The following CRBN variants were observed in gnomAD, a reference collection of about 807,000 sequenced individuals.
CRBN encodes the protein cereblon, also known as protein cereblon.
CRBN carries 53 observed loss-of-function variants against 62.2 expected under a neutral mutation model. That is an observed-to-expected ratio of 0.85 (90% CI 0.68 to 1.07). CRBN has a LOEUF of 1.07. Ranked by LOEUF, CRBN falls within the 50% of genes least tolerant of loss-of-function variation. CRBN has a pLI of 0.00. For synonymous variants in CRBN, 208 were observed against 176.1 expected (o/e 1.18, Z -1.43); for missense variants, 616 against 531.1 (o/e 1.16, Z -1.57).
At position 3,167,662 on chromosome 3, in the gene CRBN, G is replaced by C; in HGVS notation, c.659C>G (p.Ser220Ter). The C allele has an allele frequency of 6.2e-7, 1 of 1,613,060 alleles. No homozygotes were observed. The highest frequency in any genetic ancestry group is 8.5e-7 in the Non-Finnish European group (1 of 1,179,420). Residue 220 changes from serine to a stop codon, truncating the protein, a stop_gained, in exon 5 of 11, where the codon TCA becomes TGA. Transcript: ENST00000231948. LOFTEE classifies it high-confidence loss of function. Reference protein sequence around the residue: ...SKPVSREDQCSYKWWQKYQKR... With the variant: ...SKPVSREDQC ...CTGGTATTTCTGCCACCATTTATATGAACATTGGTCTTCTCTTGAGACAGG... is the reference window on the plus strand; with the variant it reads ...CTGGTATTTCTGCCACCATTTATATCAACATTGGTCTTCTCTTGAGACAGG...
intron 4 of CRBN, among the ~76,000 whole-genome samples, chr3:3,168,308 C>T (rs747917375): frequency 2.6e-5 from 4 of 152,162 alleles, no homozygotes; most frequent in Non-Finnish European, 4.4e-5. Flanking sequence ...GAGTTACATG[C>T]AACCTTTCTG....
At position 3,153,974 on chromosome 3, in the gene CRBN, C is replaced by G. The variant is rs142337178; in HGVS notation, c.937G>C (p.Asp313His). The change falls in exon 8 of 11, where the codon GAC (aspartate) becomes CAC (histidine). Residue 313 changes from aspartate to histidine, a missense_variant. Asp to His is a moderately conservative substitution (Grantham distance 81, BLOSUM62 -1). Coordinates refer to ENST00000231948, the MANE Select transcript of CRBN (RefSeq NM_016302.4). The stretch of plus-strand genomic sequence containing the variant: ...ACTTTACTCACTTTATTCATAATGT[C>G]TAATTCACAGCGAAGTCGCTGGATA... ...SAIQRLRCELDIMNKCTSLCC... is the reference protein window; with the variant it reads ...SAIQRLRCELHIMNKCTSLCC... 315 of 1,600,668 alleles carry G rather than the reference C, an allele frequency of 2.0e-4. No homozygotes were observed. Among genetic ancestry groups the G allele is most frequent in the Non-Finnish European group, 2.5e-4 (297 of 1,167,848 alleles).
At chr3:3,176,328 AAAGAAACAAAGCAGGC>A (rs1707822017) in intron 1 of CRBN, among the ~76,000 whole-genome samples, 1 of 152,252 alleles carries the variant, frequency 6.6e-6, no homozygotes, top group Non-Finnish European at 1.5e-5. Flanking sequence ...ATAAGTAAGA[AAAGAAACAAAGCAGGC>A]AAGATCTGTT....
intron 1 of CRBN, 115 bp downstream of exon 1, chr3:3,179,506 G>A (rs1559261097): frequency 3.0e-6 from 3 of 1,004,134 alleles, no homozygotes; most frequent in South Asian, 1.4e-5. Flanking sequence ...CGGCCCTGCT[G>A]GGCTGGCTCG....
chr3:3,155,715 G>C (rs190985099), intron 6 of CRBN: 2 of 155,936 alleles, frequency 1.3e-5, no homozygotes, highest in African/African-American at 4.8e-5. Context: ...AACCAAAACA[G>C]TAAAATATGG....
chr3:3,158,368 G>T (rs141823317), intron 5 of CRBN, among the ~76,000 whole-genome samples: 1,667 of 152,262 alleles, frequency 0.011, 30 homozygotes, highest in Middle Eastern at 0.027. Flanking sequence ...GTGCTGGTTC[G>T]TGGGCCAGGA....
chr3:3,179,296 C>A (rs1707964880), intron 1 of CRBN, among the ~76,000 whole-genome samples: 1 of 152,238 alleles, frequency 6.6e-6, no homozygotes, highest in African/African-American at 2.4e-5. Context: ...CGCTGTGAAT[C>A]TGACCCGGTC....
Position 3,172,932 on chromosome 3 carries a change from A to C in CRBN, c.378-7T>G. ...TTCCCTTTCCTGTACATTGCTTCCAAGAAAATTTTAAAAGGAAAGAATTTT... is the reference window on the plus strand; with the variant it reads ...TTCCCTTTCCTGTACATTGCTTCCACGAAAATTTTAAAAGGAAAGAATTTT... On this transcript the variant is annotated splice_polypyrimidine_tract_variant and splice_region_variant and intron_variant, in intron 3 of 10. Transcript: ENST00000231948. 1 of 1,612,810 alleles carries C rather than the reference A, an allele frequency of 6.2e-7. No individual in the cohort carries two copies. The highest frequency in any genetic ancestry group is 8.5e-7 in the Non-Finnish European group (1 of 1,178,836).
chr3:3,164,204 G>A (rs796337095), intron 5 of CRBN, among the ~76,000 whole-genome samples: 4 of 152,172 alleles, frequency 2.6e-5, no homozygotes, highest in African/African-American at 9.7e-5. Context: ...CAAGTGAAAA[G>A]AAGAGTAGTC....
At chr3:3,173,445 C>G (rs923968943) in intron 3 of CRBN, among the ~76,000 whole-genome samples, 2 of 152,194 alleles carry the variant, frequency 1.3e-5, no homozygotes, top group African/African-American at 2.4e-5. Flanking sequence ...TAATAGATTT[C>G]TAGTCACTGA....
At chr3:3,152,625 G>T in intron 9 of CRBN, 38 bp from the exon 10 acceptor site, 1 of 1,612,796 alleles carries the variant, frequency 6.2e-7, no homozygotes, top group Non-Finnish European at 8.5e-7. Flanking sequence ...ACGTCAAAAC[G>T]AGAAGTCTAA....
At chr3:3,153,650 A>G (rs1041910901) in intron 8 of CRBN, 162 bp from the exon 9 acceptor site, 2 of 640,932 alleles carry the variant, frequency 3.1e-6, no homozygotes, top group South Asian at 1.9e-5. Flanking sequence ...ATGGAGCACG[A>G]AAGTCACTGA....
At chr3:3,178,557 C>T (rs1335902449) in intron 1 of CRBN, among the ~76,000 whole-genome samples, 1 of 152,140 alleles carries the variant, frequency 6.6e-6, no homozygotes, top group African/African-American at 2.4e-5. Flanking sequence ...TTTTAGATGT[C>T]TCCTGATCTA....
intron 3 of CRBN, among the ~76,000 whole-genome samples, chr3:3,173,689 A>C (rs1269416795): frequency 1.3e-5 from 2 of 152,228 alleles, no homozygotes; most frequent in African/African-American, 4.8e-5. Context: ...GAGGGAAAGA[A>C]AAGACCACTC....
rs926339274 is a variant in CRBN, at chr3:3,152,675, A to C, written c.1017-88T>G. Reference sequence around the variant, plus strand: ...TAGAATTTTATTGAAGTTCACCAAGAAATGAGGTATGAGCTATACAGTTTT... The same window carrying C: ...TAGAATTTTATTGAAGTTCACCAAGCAATGAGGTATGAGCTATACAGTTTT... On this transcript the variant is annotated intron_variant, in intron 9 of 10. Transcript: ENST00000231948. 2.7e-6 allele frequency: 4 copies of C among 1,485,108 alleles called. No individual in the cohort carries two copies. The South Asian group carries it at 3.5e-5, about 13-fold the overall frequency. 92.0% of individuals were successfully genotyped at this position (1,485,108 alleles called of 1,614,324 possible). A position where few individuals can be genotyped will look rare whatever the true frequency, so the allele number is the denominator to read the frequency against.
At chr3:3,156,435 T>A in intron 5 of CRBN, 154 bp from the exon 6 acceptor site, 1 of 650,338 alleles carries the variant, frequency 1.5e-6, no homozygotes, top group Non-Finnish European at 2.7e-6. Context: ...CGTGACTATC[T>A]ATGAAGTGTG....
At chr3:3,164,889 G>A (rs922277758) in intron 5 of CRBN, among the ~76,000 whole-genome samples, 1 of 152,182 alleles carries the variant, frequency 6.6e-6, no homozygotes, top group African/African-American at 2.4e-5. Context: ...TGATTCCTCT[G>A]ATGGATCTGG....
At chr3:3,155,957 CCA>C (rs1706873751) in intron 6 of CRBN, 1 of 409,106 alleles carries the variant, frequency 2.4e-6, no homozygotes, top group Non-Finnish European at 4.5e-6. Context: ...CAGCCACATG[CCA>C]CCAAACCTGG....
At chr3:3,163,345 G>A (rs986074154) in intron 5 of CRBN, among the ~76,000 whole-genome samples, 4 of 152,016 alleles carry the variant, frequency 2.6e-5, no homozygotes, top group Admixed American at 2.6e-4. Context: ...AATAACCAAG[G>A]GCTAATTAAG....
Sources: gnomAD v4.1 joint callset for allele counts (sites outside exome capture counted in the v4.1 genomes callset) on GRCh38, gnomAD v4.1.1 for gene constraint, MANE v1.5 for transcripts, NCBI Gene and HGNC (gene_info 2026-07-23, HGNC 2026-07-21) for gene names.